NRG3: variants seen among roughly 807,000 people sequenced by gnomAD.
The protein encoded by NRG3 is neuregulin 3.
A neutral mutation model predicts 66.9 loss-of-function variants in NRG3; 31 were observed. That is an observed-to-expected ratio of 0.46 (90% confidence interval 0.35 to 0.63). The LOEUF (loss-of-function observed/expected upper bound fraction) is 0.63. NRG3 is among the 20% of genes least tolerant of loss of function. The pLI, the probability that NRG3 is intolerant of heterozygous loss-of-function variation, is 0.00. For missense variants in NRG3, 910 were observed against 878.9 expected (o/e 1.04, Z -0.45); for synonymous variants, 393 against 359.4 (o/e 1.09, Z -1.06).
chr10:82,047,985 A>T (rs2063391976), intron 1 of NRG3, among the ~76,000 whole-genome samples: 1 of 151,848 alleles, frequency 6.6e-6, no homozygotes, highest in Non-Finnish European at 1.5e-5. Context: ...ACCAACAAAG[A>T]TCAAAAGAGA....
At chr10:82,412,107 T>C (rs1410935575) in intron 2 of NRG3, among the ~76,000 whole-genome samples, 1 of 152,176 alleles carries the variant, frequency 6.6e-6, no homozygotes, top group African/African-American at 2.4e-5. Context: ...TCAGTAGTTG[T>C]GTCTTAATGT....
At chr10:82,176,651 G>A (rs1244086741) in intron 1 of NRG3, among the ~76,000 whole-genome samples, 2 of 151,982 alleles carry the variant, frequency 1.3e-5, no homozygotes, top group South Asian at 4.2e-4. Flanking sequence ...TGTACCTTCT[G>A]CACTCTACAG....
At chr10:82,564,998 A>G (rs567478331) in intron 2 of NRG3, among the ~76,000 whole-genome samples, 134 of 152,082 alleles carry the variant, frequency 8.8e-4, no homozygotes, top group Non-Finnish European at 1.5e-3. Flanking sequence ...GATGACTAAT[A>G]CAATTAGATG....
intron 2 of NRG3, among the ~76,000 whole-genome samples, chr10:82,698,543 TA>T (rs746942246): frequency 1.3e-5 from 2 of 152,214 alleles, no homozygotes; most frequent in Non-Finnish European, 2.9e-5. Flanking sequence ...ACGTAAGCCC[TA>T]TTAAATAAAT....
intron 2 of NRG3, among the ~76,000 whole-genome samples, chr10:82,636,967 A>T (rs1292972533): frequency 6.6e-6 from 1 of 152,076 alleles, no homozygotes; most frequent in Non-Finnish European, 1.5e-5. Flanking sequence ...GATATGTAGG[A>T]TGAACAAATT....
intron 1 of NRG3, among the ~76,000 whole-genome samples, chr10:82,309,915 A>G (rs1277331765): frequency 6.6e-6 from 1 of 152,200 alleles, no homozygotes; most frequent in Non-Finnish European, 1.5e-5. Context: ...TAATGGCAAC[A>G]TCAGCTTCAA....
chr10:81,914,615 G>A (rs902849654), intron 1 of NRG3, among the ~76,000 whole-genome samples: 2 of 151,896 alleles, frequency 1.3e-5, no homozygotes, highest in Non-Finnish European at 2.9e-5. Context: ...AATCAGCTGG[G>A]CATGGGGGTG....
At chr10:82,274,092 C>A (rs766461454) in intron 1 of NRG3, among the ~76,000 whole-genome samples, 1 of 151,936 alleles carries the variant, frequency 6.6e-6, no homozygotes, top group Non-Finnish European at 1.5e-5. Context: ...GAGTGGATTT[C>A]AGAGGAGAAA....
rs138761808 is a variant in NRG3, at chr10:82,181,844, G to A, written c.824-176895G>A. ...CTGAATGTTCTGGCCATTATTGAAA[G>A]TGGGTATTGAAAGGTTCTACTGTTA... On this transcript the variant is annotated intron_variant, in intron 1 of 8. Transcript: ENST00000372141. 1.1e-3 allele frequency among the ~76,000 whole-genome samples: 160 copies of A among 151,870 alleles called. 1 individual carries two copies. Among genetic ancestry groups the A allele is most frequent in the Middle Eastern group, 3.4e-3 (1 of 294 alleles).
intron 2 of NRG3, among the ~76,000 whole-genome samples, chr10:82,365,167 A>C (rs2135678389): frequency 6.6e-6 from 1 of 152,314 alleles, no homozygotes; most frequent in South Asian, 2.1e-4. Context: ...ATGGTTCTCC[A>C]GTAAGTGCTC....
At chr10:82,738,834 T>C (rs544821820) in intron 3 of NRG3, among the ~76,000 whole-genome samples, 184 bp downstream of exon 3, 21 of 152,310 alleles carry the variant, frequency 1.4e-4, no homozygotes, top group Admixed American at 1.4e-3. Context: ...CTAGGTCTTC[T>C]CTGACGATGA....
intron 1 of NRG3, among the ~76,000 whole-genome samples, chr10:81,961,273 A>G (rs1850329340): frequency 1.3e-5 from 2 of 152,176 alleles, no homozygotes; most frequent in Non-Finnish European, 2.9e-5. Flanking sequence ...GGTATATTTT[A>G]TAGAGTAAAT....
intron 1 of NRG3, among the ~76,000 whole-genome samples, chr10:82,202,345 A>C (rs988544136): frequency 6.6e-6 from 1 of 152,282 alleles, no homozygotes; most frequent in South Asian, 2.1e-4. Context: ...CCAGATCATC[A>C]TCTTATGGAT....
intron 1 of NRG3, among the ~76,000 whole-genome samples, chr10:82,350,449 A>G (rs563705735): frequency 6.6e-5 from 10 of 152,316 alleles, no homozygotes; most frequent in Admixed American, 3.9e-4. Flanking sequence ...AGGAACATGT[A>G]AGCAGTTAAA....
At chr10:82,320,609 A>G (rs2081516751) in intron 1 of NRG3, among the ~76,000 whole-genome samples, 1 of 152,104 alleles carries the variant, frequency 6.6e-6, no homozygotes. Flanking sequence ...AAATTAGGTT[A>G]TTGTAGCTAT....
intron 2 of NRG3, among the ~76,000 whole-genome samples, chr10:82,660,626 G>A (rs1303528420): frequency 1.3e-5 from 2 of 152,128 alleles, no homozygotes; most frequent in Non-Finnish European, 2.9e-5. Context: ...CTAAACTTCA[G>A]ATAAAAATAA....
At chr10:81,961,438 A>C (rs2133278490) in intron 1 of NRG3, among the ~76,000 whole-genome samples, 1 of 151,746 alleles carries the variant, frequency 6.6e-6, no homozygotes, top group East Asian at 2.0e-4. Flanking sequence ...AGACACCGTG[A>C]CCAGGCTCTA....
intron 1 of NRG3, among the ~76,000 whole-genome samples, chr10:81,989,365 A>G (rs1332485310): frequency 1.3e-5 from 2 of 152,112 alleles, no homozygotes; most frequent in Non-Finnish European, 2.9e-5. Flanking sequence ...AGGAAAAGAT[A>G]TAGATGGTGA....
At chr10:82,348,723 G>T (rs930787099) in intron 1 of NRG3, among the ~76,000 whole-genome samples, 4 of 150,770 alleles carry the variant, frequency 2.7e-5, no homozygotes, top group Admixed American at 6.6e-5. Context: ...CGTAGATTTG[G>T]TCTTTTCACA....
Sources: allele counts gnomAD v4.1 joint callset (sites outside exome capture counted in the v4.1 genomes callset), GRCh38; gene constraint gnomAD v4.1.1; transcripts MANE v1.5; gene names NCBI Gene and HGNC (gene_info 2026-07-23, HGNC 2026-07-21).